TANC2: variants seen among roughly 807,000 people sequenced by gnomAD.
The protein encoded by TANC2 is tetratricopeptide repeat, ankyrin repeat and coiled-coil containing 2, also known as protein TANC2.
A neutral mutation model predicts 210.5 loss-of-function variants in TANC2; 26 were observed. The ratio of observed to expected loss-of-function variants is 0.12; its 90% CI spans 0.09 to 0.17. The LOEUF is 0.17. Among genes scored for constraint, TANC2 ranks in the 10% least tolerant of loss-of-function variants. The pLI, the probability that TANC2 is intolerant of heterozygous loss-of-function variation, is 1.00. For synonymous variants in TANC2, 931 were observed against 967.1 expected, an observed-to-expected ratio of 0.96 and a Z score of 0.69; for missense variants, 2,129 against 2,608.9, an observed-to-expected ratio of 0.82 and a Z score of 4.01.
chr17:63,419,194 G>A (rs918150935), intron 27 of TANC2, among the ~76,000 whole-genome samples: 7 of 152,152 alleles, frequency 4.6e-5, no homozygotes, highest in Non-Finnish European at 8.8e-5. Context: ...ATCACACCCA[G>A]CTTGAGGCTA....
intron 4 of TANC2, among the ~76,000 whole-genome samples, chr17:63,136,201 G>T (rs2039084346): frequency 6.6e-6 from 1 of 152,184 alleles, no homozygotes; most frequent in South Asian, 2.1e-4. Context: ...AGTAATGTCT[G>T]TAGGAATATC....
At chr17:63,129,679 A>G (rs2038846562) in intron 4 of TANC2, among the ~76,000 whole-genome samples, 1 of 152,222 alleles carries the variant, frequency 6.6e-6, no homozygotes, top group African/African-American at 2.4e-5. Context: ...AGTTGGCTTC[A>G]TATCTATAGT....
At chr17:63,219,931 T>A (rs2042123399) in intron 7 of TANC2, among the ~76,000 whole-genome samples, 2 of 152,234 alleles carry the variant, frequency 1.3e-5, no homozygotes, top group South Asian at 4.2e-4. Context: ...GATTTGAGGT[T>A]TACTATAAAA....
At chr17:63,156,475 T>A (rs1261871569) in intron 5 of TANC2, among the ~76,000 whole-genome samples, 2 of 150,162 alleles carry the variant, frequency 1.3e-5, no homozygotes, top group African/African-American at 4.9e-5. Context: ...AAGCTAGAAG[T>A]TGTATAGTGG....
exon 28 of TANC2, chr17:63,427,351 C>T (rs1354639688): frequency 6.6e-6 from 1 of 152,234 alleles, no homozygotes; most frequent in African/African-American, 2.4e-5. Context: ...ACTTAGTTTT[C>T]CTTTAGGTTT....
At chr17:63,003,619 A>G (rs1178457985) in intron 1 of TANC2, among the ~76,000 whole-genome samples, 1 of 152,228 alleles carries the variant, frequency 6.6e-6, no homozygotes, top group Non-Finnish European at 1.5e-5. Flanking sequence ...TTTTCCATGT[A>G]ATATTTTTAG....
intron 4 of TANC2, among the ~76,000 whole-genome samples, chr17:63,128,455 A>C (rs1207993223): frequency 6.6e-6 from 1 of 152,244 alleles, no homozygotes; most frequent in East Asian, 1.9e-4. Context: ...AGGTTGTCTA[A>C]GATTTGGTTT....
In TANC2 at chr17:63,421,963, T is replaced by C. The variant is rs1475349544; in HGVS notation, c.*8T>C. ...GTGGAGTCTAATGTTTAAAAGACGT[T>C]TTGTTGGAGTGAGACCCATATGTTT... On this transcript the variant is annotated 3_prime_UTR_variant, in exon 28 of 28. Transcript: ENST00000689528. The surrounding 1 kb of genome is among the most constrained non-coding windows in gnomAD (Gnocchi z 6.9). 1 of 1,589,666 alleles carries C rather than the reference T, an allele frequency of 6.3e-7. No homozygotes were observed. Among genetic ancestry groups the C allele is most frequent in the Non-Finnish European group, 8.6e-7 (1 of 1,167,648 alleles).
At chr17:63,149,928 T>C (rs2039590525) in intron 4 of TANC2, 1 of 152,154 alleles carries the variant, frequency 6.6e-6, no homozygotes, top group Non-Finnish European at 1.5e-5. Flanking sequence ...TTTTAACATA[T>C]ACTGAAAATA....
intron 21 of TANC2, among the ~76,000 whole-genome samples, chr17:63,408,694 G>A (rs2048594405): frequency 6.6e-6 from 1 of 152,210 alleles, no homozygotes; most frequent in Non-Finnish European, 1.5e-5. Flanking sequence ...GGAAACCATA[G>A]ACTCTAATGA....
At chr17:63,038,518 G>C (rs2035061765) in intron 2 of TANC2, among the ~76,000 whole-genome samples, 1 of 152,068 alleles carries the variant, frequency 6.6e-6, no homozygotes, top group Non-Finnish European at 1.5e-5. Flanking sequence ...TGACATTCGA[G>C]TAATTCCGTC....
intron 2 of TANC2, among the ~76,000 whole-genome samples, chr17:63,053,843 A>ACAGCAGAT (rs1398576247): frequency 6.6e-6 from 1 of 152,214 alleles, no homozygotes; most frequent in Non-Finnish European, 1.5e-5. Context: ...TACTCTTCTG[A>ACAGCAGAT]CAGCAGATTC....
At chr17:63,197,695 T>C (rs995191212) in intron 6 of TANC2, 6 of 152,208 alleles carry the variant, frequency 3.9e-5, no homozygotes, top group East Asian at 3.8e-4. Context: ...TAGCTTCTTA[T>C]GTTGTGTATT....
intron 9 of TANC2, among the ~76,000 whole-genome samples, chr17:63,297,486 T>G (rs1385781294): frequency 6.6e-6 from 1 of 152,166 alleles, no homozygotes; most frequent in Non-Finnish European, 1.5e-5. Context: ...CAAATGGTAC[T>G]GAGACAACTG....
intron 8 of TANC2, among the ~76,000 whole-genome samples, chr17:63,264,315 G>C (rs1030917983): frequency 6.6e-6 from 1 of 152,174 alleles, no homozygotes; most frequent in African/African-American, 2.4e-5. Context: ...CTGGTGGTGA[G>C]AACTGCAAAG....
chr17:63,401,258 G>A (rs1000497473), intron 19 of TANC2, among the ~76,000 whole-genome samples: 8 of 152,184 alleles, frequency 5.3e-5, no homozygotes, highest in African/African-American at 1.2e-4. Flanking sequence ...GCTCATATCT[G>A]CAACCAGGAC....
intron 5 of TANC2, among the ~76,000 whole-genome samples, chr17:63,192,096 C>T (rs2041205930): frequency 6.6e-6 from 1 of 152,154 alleles, no homozygotes; most frequent in African/African-American, 2.4e-5. Context: ...AAGTTCAAAA[C>T]AAATGTAATT....
At chr17:63,366,292 G>C (rs1214116242) in intron 14 of TANC2, among the ~76,000 whole-genome samples, 3 of 152,082 alleles carry the variant, frequency 2.0e-5, no homozygotes, top group Non-Finnish European at 4.4e-5. Context: ...AAGCACTGCT[G>C]GGAATACAAA....
At chr17:63,229,831 G>C (rs1268176706) in intron 7 of TANC2, among the ~76,000 whole-genome samples, 1 of 147,336 alleles carries the variant, frequency 6.8e-6, no homozygotes, top group Non-Finnish European at 1.5e-5. Flanking sequence ...GTGTATTGGT[G>C]TGATCTCAGC....
Sources: gnomAD v4.1 joint callset for allele counts (sites outside exome capture counted in the v4.1 genomes callset) on GRCh38, gnomAD v4.1.1 for gene constraint, Gnocchi (gnomAD v3.1) non-coding constraint, MANE v1.5 for transcripts, NCBI Gene and HGNC (gene_info 2026-07-23, HGNC 2026-07-21) for gene names.